The following DRC3 variants were observed in gnomAD, a reference collection of about 807,000 sequenced individuals.
The protein encoded by DRC3 is leucine rich repeat containing 48.
A neutral mutation model predicts 57.6 loss-of-function variants in DRC3; 45 were observed. The ratio of observed to expected loss-of-function variants is 0.78; its 90% CI spans 0.62 to 1.00. The LOEUF is 1.00. DRC3 is among the 50% of genes least tolerant of loss of function. The pLI is 0.00. For synonymous variants in DRC3, 257 were observed against 272.3 expected (o/e 0.94, Z 0.55); for missense variants, 655 against 675.2 (o/e 0.97, Z 0.33).
At chr17:18,011,475 G>A in intron 12 of DRC3, 1 of 200,846 alleles carries the variant, frequency 5.0e-6, no homozygotes, top group South Asian at 6.3e-5. Flanking sequence ...AAGATTGCAA[G>A]CCCCACACTG....
chr17:18,013,199 T>A (rs561538583), intron 12 of DRC3, among the ~76,000 whole-genome samples: 3 of 152,228 alleles, frequency 2.0e-5, no homozygotes, highest in East Asian at 3.9e-4. Flanking sequence ...ATACTGTAAG[T>A]AAGAATGTAA....
chr17:17,990,020 C>T (rs549569961), intron 5 of DRC3, among the ~76,000 whole-genome samples: 2 of 152,350 alleles, frequency 1.3e-5, no homozygotes, highest in South Asian at 2.1e-4. Context: ...CCTTCTGCCT[C>T]TGGGCTCTGC....
chr17:18,011,742 C>G (rs2044176275), intron 12 of DRC3: 2 of 200,462 alleles, frequency 1.0e-5, no homozygotes, highest in Admixed American at 4.8e-5. Context: ...CCAAGTCTTC[C>G]TCTCAGTAAT....
At chr17:17,998,194 C>T (rs952081751) in intron 9 of DRC3, among the ~76,000 whole-genome samples, 4 of 152,044 alleles carry the variant, frequency 2.6e-5, no homozygotes, top group African/African-American at 4.8e-5. Flanking sequence ...GCCCTAGGGG[C>T]GCCTTATCTC....
intron 5 of DRC3, among the ~76,000 whole-genome samples, chr17:17,991,556 A>C (rs1057407896): frequency 9.2e-5 from 14 of 151,690 alleles, no homozygotes; most frequent in Admixed American, 2.6e-4. Context: ...TCAGCCTCCC[A>C]TAGTGTTGGG....
chr17:18,004,350 C>T lies in DRC3; in HGVS notation c.1000-13C>T, dbSNP rs1489491429. The stretch of plus-strand genomic sequence containing the variant: ...TAGTTGTTGATTCCTAAAGTGCAGT[C>T]TATTGTTTCTAGAGTTTAAGTGCCA... On this transcript the variant is annotated splice_polypyrimidine_tract_variant and intron_variant, in intron 9 of 13. Transcript: ENST00000399187. 2.5e-6 allele frequency: 4 copies of T among 1,594,126 alleles called. No individual in the cohort carries two copies. The highest frequency in any genetic ancestry group is 2.6e-6 in the Non-Finnish European group (3 of 1,169,310).
At position 18,008,340 on chromosome 17, in the gene DRC3, G is replaced by T. The variant is rs920490721; in HGVS notation, c.1326+1193G>T. ...GCCCCATTTATCAGGTCAGGTCAGA[G>T]CCTCATCATAGTTTCAAACTACCTG... is the stretch of plus-strand genomic sequence containing the variant. On this transcript the variant is annotated intron_variant, in intron 12 of 13. Transcript: ENST00000399187. The surrounding 1 kb of genome is among the most constrained non-coding windows in gnomAD (Gnocchi z 4.3). 6.6e-6 allele frequency among the ~76,000 whole-genome samples: 1 copy of T among 152,214 alleles called. No individual in the cohort carries two copies. The highest frequency in any genetic ancestry group is 1.5e-5 in the Non-Finnish European group (1 of 68,040).
Position 17,982,389 on chromosome 17 carries a change from G to A in DRC3, c.161-1439G>A, listed in dbSNP as rs139692188. Among the ~76,000 whole-genome samples, 14 of 151,620 alleles carry A rather than the reference G, an allele frequency of 9.2e-5. No homozygotes were observed. In the East Asian group the frequency reaches 2.7e-3, roughly 30 times the overall value. On this transcript the variant is annotated intron_variant, in intron 3 of 13. Coordinates refer to ENST00000399187, the MANE Select transcript of DRC3 (RefSeq NM_031294.4). The stretch of plus-strand genomic sequence containing the variant: ...CGCCACCACGCCCAGCTAATTTTTT[G>A]TGTTTTTAGGAGAGACAGGGTTTCA...
intron 3 of DRC3, chr17:17,981,319 C>G (rs566926987): frequency 2.0e-4 from 51 of 249,616 alleles, no homozygotes; most frequent in African/African-American, 1.0e-3. Flanking sequence ...CACCCTATCC[C>G]TGCAGACGGG....
In DRC3 at chr17:17,983,880, G is replaced by A. The variant is rs771171564; in HGVS notation, c.213G>A (p.Gln71=). ...LWQFENLRKL[Q]LDNNIIEKIE... is the part of the protein sequence containing the mutation. ...AGTTTGAGAACTTGAGGAAGCTGCA[G>A]CTGGACAATAACATCATTGAGAAGA... Residue 71 remains glutamine (Q), a synonymous_variant, in exon 4 of 14, where the codon CAG becomes CAA. Transcript: ENST00000399187. 1.1e-5 allele frequency: 18 copies of A among 1,613,570 alleles called. No individual in the cohort carries two copies. In the South Asian group the frequency reaches 1.9e-4, roughly 17 times the overall value.
intron 9 of DRC3, 101 bp downstream of exon 9, chr17:17,997,735 G>GGGGTCATCAGAGGGTAC: frequency 4.4e-6 from 5 of 1,130,942 alleles, no homozygotes; most frequent in Non-Finnish European, 6.1e-6. Context: ...TGTACCCTCT[G>GGGGTCATCAGAGGGTAC]ATGACCCCTG....
intron 3 of DRC3, chr17:17,981,239 A>G: frequency 3.7e-6 from 1 of 270,092 alleles, no homozygotes; most frequent in South Asian, 4.7e-5. Context: ...CAGGAAAAAC[A>G]GCAGATGAAC....
chr17:18,007,499 T>G, intron 12 of DRC3: 1 of 1,550,284 alleles, frequency 6.5e-7, no homozygotes, highest in Non-Finnish European at 8.7e-7. Flanking sequence ...GGAGGTCTTC[T>G]TAACCTTAGA....
chr17:18,003,847 T>G (rs2043846130), intron 9 of DRC3, among the ~76,000 whole-genome samples: 1 of 151,086 alleles, frequency 6.6e-6, no homozygotes, highest in Non-Finnish European at 1.5e-5. Flanking sequence ...TAGATGGGGT[T>G]TCACTGTGAT....
At chr17:18,016,301 G>A in intron 13 of DRC3, 106 bp downstream of exon 13, 7 of 1,251,742 alleles carry the variant, frequency 5.6e-6, no homozygotes, top group Non-Finnish European at 8.0e-6. Context: ...ATGAAATGAA[G>A]GAAGAAATAA....
intron 12 of DRC3, chr17:18,010,878 C>A (rs527378423): frequency 8.4e-5 from 30 of 359,074 alleles, no homozygotes; most frequent in South Asian, 6.8e-4. Flanking sequence ...ATCTCTTCTC[C>A]CCGCCCATCA....
At chr17:17,998,484 C>T (rs537224818) in intron 9 of DRC3, among the ~76,000 whole-genome samples, 18 of 152,350 alleles carry the variant, frequency 1.2e-4, no homozygotes, top group African/African-American at 4.3e-4. Flanking sequence ...CTAAGGAAAG[C>T]TGTGGACCTT....
rs2043982154 is a variant in DRC3, at chr17:18,007,048, G to A, written c.1227G>A (p.Glu409=). 2 of 1,600,652 alleles carry A rather than the reference G, an allele frequency of 1.2e-6. No individual in the cohort carries two copies. The highest frequency in any genetic ancestry group is 1.7e-6 in the Non-Finnish European group (2 of 1,174,060). Residue 409 remains glutamate, a synonymous_variant, in exon 12 of 14, where the codon GAG becomes GAA. Coordinates refer to ENST00000399187, the MANE Select transcript of DRC3 (RefSeq NM_031294.4). ...QSLMAQCRDL[E]NHHHEKLLEI... ...CGATGGCTCAGTGCCGGGACCTGGA[G>A]AATCACCACCACGAGAAGCTCCTGG...
At chr17:18,014,246 AAAG>A (rs2044276511) in intron 12 of DRC3, among the ~76,000 whole-genome samples, 1 of 152,216 alleles carries the variant, frequency 6.6e-6, no homozygotes, top group Admixed American at 6.5e-5. Flanking sequence ...GTGTTTAAAC[AAAG>A]AAGTTGCTTT....
Sources: allele counts gnomAD v4.1 joint callset (sites outside exome capture counted in the v4.1 genomes callset), GRCh38; gene constraint gnomAD v4.1.1; non-coding constraint Gnocchi (gnomAD v3.1); transcripts MANE v1.5; gene names NCBI Gene and HGNC (gene_info 2026-07-23, HGNC 2026-07-21).